PIBF1: variants seen among roughly 807,000 people sequenced by gnomAD.
PIBF1 encodes progesterone-induced-blocking factor 1.
A neutral mutation model predicts 112.5 loss-of-function variants in PIBF1; 90 were observed. The ratio of observed to expected loss-of-function variants is 0.80; its 90% CI spans 0.67 to 0.95. The LOEUF is 0.95. PIBF1 is among the 40% of genes least tolerant of loss of function. The probability of loss-of-function intolerance (pLI) is 0.00; values close to 1 mark genes in which losing one functional copy is unlikely to be tolerated. For synonymous variants in PIBF1, 301 were observed against 288.6 expected (o/e 1.04, Z -0.44); for missense variants, 915 against 852.3 (o/e 1.07, Z -0.92).
chr13:72,902,230 G>T (rs2040520685), intron 11 of PIBF1, among the ~76,000 whole-genome samples: 1 of 152,066 alleles, frequency 6.6e-6, no homozygotes, highest in South Asian at 2.1e-4. Flanking sequence ...TTGGGTACTT[G>T]GGGGGAAGAG....
intron 13 of PIBF1, among the ~76,000 whole-genome samples, chr13:72,928,014 T>TACAC (rs1219922230): frequency 1.7e-5 from 1 of 59,050 alleles, no homozygotes; most frequent in Non-Finnish European, 3.0e-5. Flanking sequence ...TACATATATA[T>TACAC]ACATATATAT....
rs2035224827 is a variant in PIBF1, at chr13:72,796,881, T to C, written c.553-1026T>C. Among the ~76,000 whole-genome samples the C allele has an allele frequency of 2.6e-5, 4 of 152,296 alleles. No homozygotes were observed. In the South Asian group the frequency reaches 8.3e-4, roughly 32 times the overall value. ...CTTAACTAATTAATTATATGCAGATTCTTTTTGTTGAGGGCTAGTATTAAG... is the reference window on the plus strand; with the variant it reads ...CTTAACTAATTAATTATATGCAGATCCTTTTTGTTGAGGGCTAGTATTAAG... On this transcript the variant is annotated intron_variant, in intron 4 of 17. Coordinates refer to ENST00000326291, the MANE Select transcript of PIBF1 (RefSeq NM_006346.4).
chr13:72,897,083 A>G (rs1453644834), intron 11 of PIBF1, among the ~76,000 whole-genome samples: 1 of 152,208 alleles, frequency 6.6e-6, no homozygotes, highest in Non-Finnish European at 1.5e-5. Context: ...GAAAACCTAT[A>G]AGATTAACAG....
chr13:72,943,103 GA>G (rs1336220584), intron 14 of PIBF1, among the ~76,000 whole-genome samples: 4 of 152,238 alleles, frequency 2.6e-5, no homozygotes, highest in Admixed American at 6.5e-5. Context: ...TACATTGCCT[GA>G]ATTTTTTTTT....
intron 10 of PIBF1, among the ~76,000 whole-genome samples, chr13:72,887,618 T>G (rs2039907212): frequency 6.6e-6 from 1 of 152,066 alleles, no homozygotes; most frequent in Non-Finnish European, 1.5e-5. Context: ...GGAAAGTACT[T>G]AATTTTTTAT....
intron 2 of PIBF1, among the ~76,000 whole-genome samples, chr13:72,788,521 T>A (rs1214691695): frequency 6.6e-6 from 1 of 152,236 alleles, no homozygotes; most frequent in African/African-American, 2.4e-5. Flanking sequence ...AACATATGCT[T>A]TTCACCTGAA....
chr13:72,873,976 A>G (rs2039286344), intron 10 of PIBF1, among the ~76,000 whole-genome samples: 1 of 152,192 alleles, frequency 6.6e-6, no homozygotes, highest in Non-Finnish European at 1.5e-5. Flanking sequence ...ACAGATGACC[A>G]ATAAGCACAA....
intron 5 of PIBF1, among the ~76,000 whole-genome samples, chr13:72,805,092 G>A (rs957829135): frequency 6.6e-6 from 1 of 152,034 alleles, no homozygotes; most frequent in Non-Finnish European, 1.5e-5. Flanking sequence ...TCCTGCCTCA[G>A]CCTCCCAAGT....
At chr13:72,839,481 A>T (rs999105811) in intron 9 of PIBF1, among the ~76,000 whole-genome samples, 7 of 152,220 alleles carry the variant, frequency 4.6e-5, no homozygotes. Flanking sequence ...AAGAATCTGA[A>T]CCTCAAGAGA....
chr13:72,783,411 T>C lies in PIBF1; in HGVS notation c.-47-12T>C. The C allele has an allele frequency of 8.6e-7, 1 of 1,164,538 alleles. No homozygotes were observed. Among genetic ancestry groups the C allele is most frequent in the South Asian group, 1.4e-5 (1 of 70,804 alleles). 72.1% of individuals were successfully genotyped at this position (1,164,538 alleles called of 1,614,324 possible). A position where few individuals can be genotyped will look rare whatever the true frequency, so the allele number is the denominator to read the frequency against. On this transcript the variant is annotated splice_polypyrimidine_tract_variant and intron_variant, in intron 1 of 17. Transcript: ENST00000326291. ...TTATAGTACATTTGAATTAATGTTT[T>C]TTAACCTACAGAATATTAAAATCAA...
At chr13:72,878,501 A>G (rs1286771641) in intron 10 of PIBF1, among the ~76,000 whole-genome samples, 1 of 152,116 alleles carries the variant, frequency 6.6e-6, no homozygotes, top group African/African-American at 2.4e-5. Context: ...GAGAGTAGAG[A>G]GCATATGATT....
chr13:72,910,990 C>T (rs1237284303), intron 12 of PIBF1, among the ~76,000 whole-genome samples: 1 of 152,060 alleles, frequency 6.6e-6, no homozygotes, highest in Non-Finnish European at 1.5e-5. Context: ...ATATGGAGTG[C>T]AGAGGACTGG....
At chr13:72,858,025 G>GCT (rs1555299662) in intron 10 of PIBF1, among the ~76,000 whole-genome samples, 360 of 17,596 alleles carry the variant, frequency 0.02, 1 homozygote, top group Middle Eastern at 0.042. Context: ...AATGTACATT[G>GCT]TGTGTGTGTG....
intron 11 of PIBF1, among the ~76,000 whole-genome samples, chr13:72,899,088 A>G (rs2138602373): frequency 6.6e-6 from 1 of 152,206 alleles, no homozygotes; most frequent in South Asian, 2.1e-4. Context: ...AGAATTAGAT[A>G]CCCTAAAAAG....
chr13:72,962,718 A>G (rs1436303386), intron 14 of PIBF1, among the ~76,000 whole-genome samples: 3 of 152,326 alleles, frequency 2.0e-5, no homozygotes, highest in South Asian at 2.1e-4. Flanking sequence ...AAAACATTCT[A>G]CAAATTAGAT....
intron 14 of PIBF1, among the ~76,000 whole-genome samples, chr13:72,934,781 A>G (rs1384493787): frequency 6.6e-6 from 1 of 152,196 alleles, no homozygotes; most frequent in African/African-American, 2.4e-5. Context: ...GGTATAGTGC[A>G]GTTTGACATT....
chr13:72,991,300 T>A (rs1277487534), intron 16 of PIBF1, among the ~76,000 whole-genome samples: 1 of 152,190 alleles, frequency 6.6e-6, no homozygotes, highest in African/African-American at 2.4e-5. Flanking sequence ...ATCATCATCA[T>A]CTGGAAATTT....
intron 2 of PIBF1, among the ~76,000 whole-genome samples, chr13:72,789,529 C>T (rs899181392): frequency 2.0e-5 from 3 of 152,060 alleles, no homozygotes; most frequent in Non-Finnish European, 4.4e-5. Context: ...ATTTATCTCT[C>T]ATTAGAGATC....
intron 16 of PIBF1, among the ~76,000 whole-genome samples, chr13:72,997,174 T>C (rs2043704759): frequency 1.3e-5 from 2 of 152,194 alleles, no homozygotes; most frequent in African/African-American, 4.8e-5. Context: ...ATGCCAAAGA[T>C]AGAAAAGTTG....
Sources: allele counts gnomAD v4.1 joint callset (sites outside exome capture counted in the v4.1 genomes callset), GRCh38; gene constraint gnomAD v4.1.1; transcripts MANE v1.5; gene names NCBI Gene and HGNC (gene_info 2026-07-23, HGNC 2026-07-21).